The following MCM6 variants were observed in gnomAD, a reference collection of about 807,000 sequenced individuals.
The protein encoded by MCM6 is minichromosome maintenance complex component 6.
Under a neutral mutation model 94.3 loss-of-function variants are expected in MCM6, and 46 were observed. The ratio of observed to expected loss-of-function variants is 0.49; its 90% CI spans 0.39 to 0.62. MCM6 has a LOEUF of 0.62. MCM6 is among the 20% of genes least tolerant of loss of function. MCM6 has a pLI of 0.00. For missense variants in MCM6, 865 were observed against 1,017.9 expected, an observed-to-expected ratio of 0.85 and a Z score of 2.04; for synonymous variants, 335 against 351.9, an observed-to-expected ratio of 0.95 and a Z score of 0.54.
At chr2:135,862,888 C>T (rs990321123) in intron 7 of MCM6, 140 bp from the exon 8 acceptor site, 7 of 778,818 alleles carry the variant, frequency 9.0e-6, no homozygotes, top group Non-Finnish European at 1.4e-5. Context: ...AGTAATAACA[C>T]CTGGCTTCCG....
At chr2:135,862,297 CAAATAATAAAATTTGT>C (rs1680010393) in intron 8 of MCM6, among the ~76,000 whole-genome samples, 1 of 106,192 alleles carries the variant, frequency 9.4e-6, no homozygotes, top group Non-Finnish European at 1.8e-5. Flanking sequence ...AAATTTTATA[CAAATAATAAAATTTGT>C]ATAAAATTTT....
At chr2:135,876,212 C>T in intron 1 of MCM6, 47 bp downstream of exon 1, 1 of 1,478,216 alleles carries the variant, frequency 6.8e-7, no homozygotes, top group Non-Finnish European at 9.0e-7. Flanking sequence ...GGCCCAGACG[C>T]CGCAGGCTCC....
chr2:135,866,442 A>G, intron 5 of MCM6, 121 bp downstream of exon 5: 1 of 1,402,492 alleles, frequency 7.1e-7, no homozygotes, highest in Non-Finnish European at 9.7e-7. Flanking sequence ...TATTCTCATC[A>G]CACTTCGTTC....
At chr2:135,855,268 A>G (rs922535095) in intron 11 of MCM6, among the ~76,000 whole-genome samples, 3 of 152,270 alleles carry the variant, frequency 2.0e-5, no homozygotes, top group Non-Finnish European at 2.9e-5. Flanking sequence ...AGCTACTTTA[A>G]TGAATCATGA....
intron 3 of MCM6, among the ~76,000 whole-genome samples, chr2:135,869,883 A>G (rs564434164): frequency 8.4e-4 from 128 of 152,328 alleles, no homozygotes; most frequent in African/African-American, 2.9e-3. Context: ...AACTTTCTGG[A>G]TAAGTGGGTA....
At chr2:135,847,704 C>T (rs1679697864) in intron 14 of MCM6, among the ~76,000 whole-genome samples, 1 of 150,850 alleles carries the variant, frequency 6.6e-6, no homozygotes, top group Non-Finnish European at 1.5e-5. Flanking sequence ...GCTGGGGCTA[C>T]AGGCAGCCGC....
chr2:135,850,496 T>A (rs1679755060), intron 13 of MCM6, among the ~76,000 whole-genome samples: 1 of 152,192 alleles, frequency 6.6e-6, no homozygotes, highest in African/African-American at 2.4e-5. Flanking sequence ...TTTTGTCCCC[T>A]ACAGGTGTTC....
chr2:135,864,470 A>AAC (rs1180567363), intron 7 of MCM6, among the ~76,000 whole-genome samples: 5 of 152,164 alleles, frequency 3.3e-5, no homozygotes, highest in East Asian at 1.9e-4. Context: ...GTCTCTCTAA[A>AAC]ACACATACAC....
At chr2:135,852,974 C>A in intron 11 of MCM6, 59 bp from the exon 12 acceptor site, 1 of 1,448,474 alleles carries the variant, frequency 6.9e-7, no homozygotes, top group Non-Finnish European at 9.3e-7. Context: ...CCAGACTATC[C>A]CAGGCAATAA....
Position 135,846,338 on chromosome 2 carries a change from A to T in MCM6, c.2108T>A (p.Ile703Lys). The T allele has an allele frequency of 6.2e-7, 1 of 1,614,106 alleles. No homozygotes were observed. The highest frequency in any genetic ancestry group is 1.1e-5 in the South Asian group (1 of 91,076). The change falls in exon 15 of 17, where the codon ATA becomes AAA. Residue 703 changes from isoleucine to lysine, a missense_variant. This residue lies in a region of MCM6 where 308 missense variants were observed against 324.5 expected (regional missense o/e 0.95). Transcript: ENST00000264156. The part of the protein sequence containing the change: ...VNGINGYNED[I>K]NQESAPKASL... ...GGCTTTGGGAGCAGACTCTTGATTT[A>T]TGTCTTCATTGTAGCCATTGATCCC...
At chr2:135,844,468 T>C in intron 16 of MCM6, 77 bp downstream of exon 16, 1 of 1,306,480 alleles carries the variant, frequency 7.7e-7, no homozygotes. Context: ...AAAAAAAATT[T>C]CACTAGTGAA....
chr2:135,849,557 T>C (rs1679733274), intron 13 of MCM6, among the ~76,000 whole-genome samples: 1 of 152,204 alleles, frequency 6.6e-6, no homozygotes, highest in Non-Finnish European at 1.5e-5. Context: ...AGCAAGCTGA[T>C]TTCTAAGTTC....
rs1166579928 is a variant in MCM6, at chr2:135,867,594, C to A, written c.616-866G>T. Among the ~76,000 whole-genome samples the A allele has an allele frequency of 3.9e-5, 6 of 152,128 alleles. No individual in the cohort carries two copies. The East Asian group carries it at 9.6e-4, about 24-fold the overall frequency. On this transcript the variant is annotated intron_variant, in intron 4 of 16. Transcript: ENST00000264156. ...CAGCTTTTCTTTCCATTTTGTATGT[C>A]CCATAAAATTAAGTCCTGCTGAAAT...
chr2:135,867,066 CT>C (rs890058206), intron 4 of MCM6, among the ~76,000 whole-genome samples: 14 of 152,140 alleles, frequency 9.2e-5, no homozygotes, highest in Admixed American at 2.6e-4. Flanking sequence ...TTCTCCTAAG[CT>C]TTAAGATAAT....
chr2:135,862,115 T>C (rs1165990087), intron 8 of MCM6, among the ~76,000 whole-genome samples: 1 of 151,944 alleles, frequency 6.6e-6, no homozygotes, highest in Non-Finnish European at 1.5e-5. Context: ...AGCTATAGTA[T>C]ACCAACAAAA....
intron 14 of MCM6, 49 bp from the exon 15 acceptor site, chr2:135,846,441 C>T: frequency 1.3e-6 from 2 of 1,522,162 alleles, no homozygotes; most frequent in Non-Finnish European, 1.8e-6. Flanking sequence ...CCCTTAACAT[C>T]CCCTTGTCAA....
chr2:135,852,722 CACTT>C (rs1189047298), intron 12 of MCM6, 61 bp downstream of exon 12: 3 of 1,149,084 alleles, frequency 2.6e-6, no homozygotes, highest in African/African-American at 1.6e-5. Context: ...CCATATAACA[CACTT>C]ACTTAAATTC....
Position 135,846,248 on chromosome 2 carries a change from T to C in MCM6, c.2198A>G (p.Lys733Arg), listed in dbSNP as rs1332071023. The C allele has an allele frequency of 1.2e-6, 2 of 1,614,038 alleles. No individual in the cohort carries two copies. Among genetic ancestry groups the C allele is most frequent in the South Asian group, 2.2e-5 (2 of 91,076 alleles). ...CAGGTAAGCCTCACCTTCTTCCACCTTTCTGAGGTGAAGCACAATAAGGTT... is the reference window on the plus strand; with the variant it reads ...CAGGTAAGCCTCACCTTCTTCCACCCTTCTGAGGTGAAGCACAATAAGGTT... ...ISNLIVLHLRKVEEEEDESAL... is the reference protein window; with the variant it reads ...ISNLIVLHLRRVEEEEDESAL... Residue 733 changes from lysine to arginine, a missense_variant, in exon 15 of 17, where the codon AAG (lysine) becomes AGG (arginine). Transcript: ENST00000264156.
Position 135,856,941 on chromosome 2 carries a change from TAAC to T in MCM6, c.1471-61_1471-59del, listed in dbSNP as rs1679902392. 13 of 1,464,662 alleles carry T rather than the reference TAAC, an allele frequency of 8.9e-6. No individual in the cohort carries two copies. The East Asian group carries it at 1.2e-4, about 13-fold the overall frequency. 90.7% of individuals were successfully genotyped at this position (1,464,662 alleles called of 1,614,324 possible). On this transcript the variant is annotated intron_variant, in intron 10 of 16. Coordinates refer to ENST00000264156, the MANE Select transcript of MCM6 (RefSeq NM_005915.6). ...AAATAGACATCAGCCAATAAATATA[TAAC>T]AACATGTTCAATCTCACCCATAATT...
Sources: gnomAD v4.1 joint callset for allele counts (sites outside exome capture counted in the v4.1 genomes callset) on GRCh38, gnomAD v4.1.1 for gene constraint, gnomAD v4.1.1 regional missense constraint, MANE v1.5 for transcripts, NCBI Gene and HGNC (gene_info 2026-07-23, HGNC 2026-07-21) for gene names.